Variants in INO80 observed in about 807,000 individuals in gnomAD.
The protein encoded by INO80 is chromatin-remodeling ATPase INO80.
Under a neutral mutation model 203.4 loss-of-function variants are expected in INO80, and 20 were observed. That is an observed-to-expected ratio of 0.10 (90% CI 0.07 to 0.14). INO80 has a LOEUF of 0.14. Among genes scored for constraint, INO80 ranks in the 10% least tolerant of loss-of-function variants. The pLI, the probability that INO80 is intolerant of heterozygous loss-of-function variation, is 1.00. For synonymous variants in INO80, 726 were observed against 685.2 expected (o/e 1.06, Z -0.93); for missense variants, 1,419 against 1,914.4 (o/e 0.74, Z 4.83).
chr15:41,054,143 A>C, intron 18 of INO80, 129 bp from the exon 19 acceptor site: 1 of 670,216 alleles, frequency 1.5e-6, no homozygotes, highest in Non-Finnish European at 2.5e-6. Flanking sequence ...CTAAAAGCAG[A>C]CTGAAACTTT....
chr15:41,050,541 G>C (rs2044851789), intron 19 of INO80, among the ~76,000 whole-genome samples: 1 of 152,156 alleles, frequency 6.6e-6, no homozygotes, highest in Admixed American at 6.5e-5. Flanking sequence ...AGTTGGGAAA[G>C]ACAAACTTAA....
At chr15:41,028,987 A>G (rs1232057487) in intron 24 of INO80, among the ~76,000 whole-genome samples, 1 of 152,242 alleles carries the variant, frequency 6.6e-6, no homozygotes, top group Non-Finnish European at 1.5e-5. Flanking sequence ...TGTTCTATAT[A>G]AGAAATGCAG....
chr15:41,004,513 T>C (rs905723321), intron 28 of INO80: 2 of 152,248 alleles, frequency 1.3e-5, no homozygotes, highest in Non-Finnish European at 2.9e-5. Flanking sequence ...TAAGATCTGC[T>C]TTATTCCTTG....
chr15:41,033,891 T>TC (rs2140495454), intron 24 of INO80, among the ~76,000 whole-genome samples: 1 of 144,694 alleles, frequency 6.9e-6, no homozygotes, highest in Middle Eastern at 3.6e-3. Context: ...CTATCTCTAC[T>TC]AAAAAAAAAA....
At chr15:41,095,068 G>A (rs894673172) in intron 4 of INO80, among the ~76,000 whole-genome samples, 8 of 151,812 alleles carry the variant, frequency 5.3e-5, no homozygotes, top group African/African-American at 1.9e-4. Flanking sequence ...GCTGGGTGCG[G>A]TGGCTCACGC....
intron 12 of INO80, among the ~76,000 whole-genome samples, chr15:41,071,127 C>T (rs944787276): frequency 1.3e-5 from 2 of 152,132 alleles, no homozygotes; most frequent in South Asian, 4.1e-4. Flanking sequence ...CATAAACGCA[C>T]CACTCCACTT....
intron 1 of INO80, among the ~76,000 whole-genome samples, chr15:41,102,393 C>CGCAGT (rs1187568559): frequency 2.6e-5 from 4 of 152,102 alleles, no homozygotes; most frequent in Non-Finnish European, 5.9e-5. Context: ...TTAGGCCAGG[C>CGCAGT]GCAGTGGCTC....
intron 14 of INO80, among the ~76,000 whole-genome samples, chr15:41,069,098 T>C (rs2045270179): frequency 6.6e-6 from 1 of 152,138 alleles, no homozygotes; most frequent in Non-Finnish European, 1.5e-5. Context: ...AGTTTTATAG[T>C]GATTATATGC....
At chr15:41,083,224 G>A (rs1480400663) in intron 7 of INO80, among the ~76,000 whole-genome samples, 1 of 146,776 alleles carries the variant, frequency 6.8e-6, no homozygotes, top group Non-Finnish European at 1.5e-5. Context: ...GGCGGAGCTT[G>A]CAGTGAGCCG....
At chr15:40,998,983 TACACACACACACAC>T (rs10650860) in intron 28 of INO80, among the ~76,000 whole-genome samples, 5 of 140,438 alleles carry the variant, frequency 3.6e-5, no homozygotes, top group Non-Finnish European at 6.1e-5. Flanking sequence ...AAGATTTATC[TACACACACACACAC>T]ACACACACAC....
At chr15:40,989,618 C>T (rs935812664) in intron 29 of INO80, among the ~76,000 whole-genome samples, 2 of 152,218 alleles carry the variant, frequency 1.3e-5, no homozygotes, top group African/African-American at 2.4e-5. Context: ...TCTTAGATCT[C>T]GGTCTCTTTC....
intron 18 of INO80, 62 bp downstream of exon 18, chr15:41,055,185 T>G: frequency 1.3e-6 from 1 of 793,688 alleles, no homozygotes; most frequent in Non-Finnish European, 2.0e-6. Context: ...AAAGAAAATA[T>G]GCAATTACGT....
At position 40,985,402 on chromosome 15, in the gene INO80, C is replaced by A. The variant is rs770947649; in HGVS notation, c.3857G>T (p.Arg1286Leu). Residue 1286 changes from arginine to leucine, a missense_variant, in exon 32 of 36, where the codon CGG (arginine) becomes CTG (leucine). Physicochemically the swap from Arg to Leu is moderately radical, Grantham distance 102. Around this residue, in one of 9 missense-constraint regions of INO80, gnomAD observed 214 missense variants for 248.9 expected, o/e 0.86. Coordinates refer to ENST00000648947, the MANE Select transcript of INO80 (RefSeq NM_017553.3). ...KKLRLRQEEK[R>L]QQEETNRVKE... ...CACTCGGTTGGTTTCCTCCTGTTGC[C>A]GTTTCTCTTCCTGCCGCAGCCTCAC... 1.7e-5 allele frequency: 27 copies of A among 1,613,712 alleles called. No homozygotes were observed. Among genetic ancestry groups the A allele is most frequent in the Non-Finnish European group, 2.3e-5 (27 of 1,179,834 alleles).
chr15:40,995,795 G>A (rs542215572), intron 29 of INO80, among the ~76,000 whole-genome samples: 37 of 152,226 alleles, frequency 2.4e-4, no homozygotes, highest in African/African-American at 8.7e-4. Context: ...TATCTGATAT[G>A]GTAGAAACTA....
chr15:41,000,699 C>A (rs1264484775), intron 28 of INO80, among the ~76,000 whole-genome samples: 7 of 126,070 alleles, frequency 5.6e-5, no homozygotes, highest in Admixed American at 1.6e-4. Flanking sequence ...AGAGTGGCAC[C>A]CTGTCTCAAA....
At chr15:41,041,790 A>G (rs2044672404) in intron 24 of INO80, among the ~76,000 whole-genome samples, 1 of 151,206 alleles carries the variant, frequency 6.6e-6, no homozygotes, top group Non-Finnish European at 1.5e-5. Context: ...TTAAGAGTGG[A>G]TAATATCTAA....
intron 35 of INO80, among the ~76,000 whole-genome samples, chr15:40,981,039 C>A (rs1893808804): frequency 6.6e-6 from 1 of 152,226 alleles, no homozygotes; most frequent in South Asian, 2.1e-4. Flanking sequence ...CAACAGTGAA[C>A]TTCCCTTTTT....
intron 1 of INO80, among the ~76,000 whole-genome samples, chr15:41,100,162 C>T (rs1203261907): frequency 6.6e-6 from 1 of 151,996 alleles, no homozygotes; most frequent in African/African-American, 2.4e-5. Context: ...GCAAGCTCTG[C>T]CTCCCAGGTT....
rs1336336708 is a variant in INO80 at position 40,983,849 on chromosome 15, C to A, written c.4150G>T (p.Val1384Leu). The part of the protein sequence containing the change: ...DESSSDMLVI[V>L]DDPASSAPQS... ...GGGGCTGAGGAGGCTGGGTCATCCACAATGACCAGCATGTCACTGCTGCTC... is the reference window on the plus strand; with the variant it reads ...GGGGCTGAGGAGGCTGGGTCATCCAAAATGACCAGCATGTCACTGCTGCTC... Residue 1384 changes from valine (V) to leucine (L), a missense_variant, in exon 34 of 36, where the codon GTG becomes TTG. Val to Leu is a conservative substitution (Grantham distance 32, BLOSUM62 1). Coordinates refer to ENST00000648947, the MANE Select transcript of INO80 (RefSeq NM_017553.3). 1 of 1,612,694 alleles carries A rather than the reference C, an allele frequency of 6.2e-7. No homozygotes were observed. Among genetic ancestry groups the A allele is most frequent in the Admixed American group, 1.7e-5 (1 of 60,018 alleles).
Sources: gnomAD v4.1 joint callset for allele counts (sites outside exome capture counted in the v4.1 genomes callset) on GRCh38, gnomAD v4.1.1 for gene constraint, gnomAD v4.1.1 regional missense constraint, MANE v1.5 for transcripts, NCBI Gene and HGNC (gene_info 2026-07-23, HGNC 2026-07-21) for gene names.